PRDM6: variants seen among roughly 807,000 people sequenced by gnomAD.
PRDM6 encodes putative histone-lysine N-methyltransferase PRDM6.
Under a neutral mutation model 60.8 loss-of-function variants are expected in PRDM6, and 25 were observed. The ratio of observed to expected loss-of-function variants is 0.41; its 90% CI spans 0.30 to 0.57. The LOEUF (loss-of-function observed/expected upper bound fraction) is 0.57, where lower values mean the gene tolerates loss of function less well. Ranked by LOEUF, PRDM6 falls within the 20% of genes least tolerant of loss-of-function variation. PRDM6 has a pLI of 0.27. For missense variants in PRDM6, 839 were observed against 821.3 expected, an observed-to-expected ratio of 1.02 and a Z score of -0.26; for synonymous variants, 407 against 357.4, an observed-to-expected ratio of 1.14 and a Z score of -1.57.
At position 123,090,176 on chromosome 5, in the gene PRDM6, G is replaced by GCCGCCGCCGCCC. The variant is rs1763784543; in HGVS notation, c.167_168insGCCGCCCCCGCC (p.Pro56_Pro59dup). 4.7e-6 allele frequency: 7 copies of GCCGCCGCCGCCC among 1,487,604 alleles called. No homozygotes were observed. The highest frequency in any genetic ancestry group is 6.2e-6 in the Non-Finnish European group (7 of 1,122,638). The allele number at this position is 1,487,604 out of a possible 1,614,324, so 92.2% of individuals were successfully genotyped here. A position where few individuals can be genotyped will look rare whatever the true frequency, so the allele number is the denominator to read the frequency against. On this transcript the variant is annotated inframe_insertion, in exon 2 of 8. Transcript: ENST00000407847. ...CGCCGCAGCCTCTTCAGCCGCCGCC[G>GCCGCCGCCGCCC]CCGCCCCCGCCCCCGGAGCGCGCTG...
intron 3 of PRDM6, among the ~76,000 whole-genome samples, chr5:123,129,667 C>T (rs1031182282): frequency 6.6e-6 from 1 of 152,148 alleles, no homozygotes; most frequent in Non-Finnish European, 1.5e-5. Context: ...TAGGTCTATC[C>T]TAAATTCACT....
chr5:123,106,397 G>A lies in PRDM6; in HGVS notation c.900+6436G>A, dbSNP rs1410313100. ...ATGCACAATCCGGGAGTTCAGTGTG[G>A]CCGGGCCTCCTGACTCTGAGGCTTG... On this transcript the variant is annotated intron_variant, in intron 3 of 7. Coordinates refer to ENST00000407847, the MANE Select transcript of PRDM6 (RefSeq NM_001136239.4). 2.0e-5 allele frequency among the ~76,000 whole-genome samples: 3 copies of A among 152,172 alleles called. No individual in the cohort carries two copies. The East Asian group carries it at 5.8e-4, about 29-fold the overall frequency.
intron 7 of PRDM6, 150 bp from the exon 8 acceptor site, chr5:123,186,937 G>A (rs1766301311): frequency 1.7e-6 from 1 of 600,488 alleles, no homozygotes. Flanking sequence ...AGGCATCCAG[G>A]CCTTGGAAGG....
At chr5:123,186,127 C>T (rs779356569) in intron 7 of PRDM6, among the ~76,000 whole-genome samples, 12 of 152,196 alleles carry the variant, frequency 7.9e-5, no homozygotes, top group South Asian at 2.1e-4. Flanking sequence ...ATGGAGAAGT[C>T]GCTGTCTGTG....
Position 123,090,449 on chromosome 5 carries a change from C to CG in PRDM6, c.438dup (p.Pro147AlafsTer157). 1 of 1,463,478 alleles carries CG rather than the reference C, an allele frequency of 6.8e-7. No homozygotes were observed. The highest frequency in any genetic ancestry group is 9.0e-7 in the Non-Finnish European group (1 of 1,116,864). 90.7% of individuals were successfully genotyped at this position (1,463,478 alleles called of 1,614,324 possible). A position where few individuals can be genotyped will look rare whatever the true frequency, so the allele number is the denominator to read the frequency against. On this transcript the variant is annotated frameshift_variant, in exon 2 of 8. Transcript: ENST00000407847. LOFTEE classifies it high-confidence loss of function. ...TGTGCCTCGGCGCCACCTCCGGCCC[C>CG]GGGCCCGTCAAGTGCGGTGGTGGTG...
intron 3 of PRDM6, among the ~76,000 whole-genome samples, chr5:123,145,240 A>G (rs1054757624): frequency 1.3e-5 from 2 of 152,152 alleles, no homozygotes; most frequent in Admixed American, 6.5e-5. Context: ...ACAAATATCC[A>G]AAGGTTGGAT....
At chr5:123,183,203 C>T (rs927095081) in intron 7 of PRDM6, among the ~76,000 whole-genome samples, 1 of 152,144 alleles carries the variant, frequency 6.6e-6, no homozygotes, top group South Asian at 2.1e-4. Context: ...TGTAAAGGCA[C>T]ATAACCCTCA....
chr5:123,160,780 C>T (rs911073991), intron 5 of PRDM6, among the ~76,000 whole-genome samples: 1 of 152,224 alleles, frequency 6.6e-6, no homozygotes, highest in African/African-American at 2.4e-5. Flanking sequence ...TAAATCTTTG[C>T]ACATACAGTA....
chr5:123,100,042 C>G, intron 3 of PRDM6, 81 bp downstream of exon 3: 2 of 1,387,986 alleles, frequency 1.4e-6, no homozygotes, highest in South Asian at 3.2e-5. Flanking sequence ...GGGAGCCTGG[C>G]CTTTGGCTGT....
intron 3 of PRDM6, among the ~76,000 whole-genome samples, chr5:123,124,002 T>G (rs1384732701): frequency 6.6e-6 from 1 of 152,114 alleles, no homozygotes; most frequent in African/African-American, 2.4e-5. Context: ...CGATACTCAT[T>G]AGAGTGACAT....
chr5:123,153,582 T>C (rs1765422394), intron 3 of PRDM6, among the ~76,000 whole-genome samples: 1 of 152,190 alleles, frequency 6.6e-6, no homozygotes, highest in Admixed American at 6.5e-5. Context: ...ATGTGCTACA[T>C]TGTGTGATAT....
Position 123,193,148 on chromosome 5 carries a change from T to G in PRDM6, c.*5947T>G, listed in dbSNP as rs1377895640. On this transcript the variant is annotated 3_prime_UTR_variant, in exon 8 of 8. Transcript: ENST00000407847. ...GATTCTAATGGGCACATTTGTTTGT[T>G]GAAATGATAAATATATTTTCCTTGT... The G allele has an allele frequency of 6.6e-6, 1 of 152,218 alleles. No homozygotes were observed. The highest frequency in any genetic ancestry group is 2.4e-5 in the African/African-American group (1 of 41,470). 9.4% of individuals were successfully genotyped at this position (152,218 alleles called of 1,614,324 possible).
chr5:123,161,534 A>C (rs1765631053), intron 5 of PRDM6, among the ~76,000 whole-genome samples: 1 of 152,196 alleles, frequency 6.6e-6, no homozygotes, highest in South Asian at 2.1e-4. Flanking sequence ...GCAAAGACTT[A>C]AGATGGTGAA....
chr5:123,167,472 C>A (rs1424046738), intron 5 of PRDM6, among the ~76,000 whole-genome samples: 2 of 152,122 alleles, frequency 1.3e-5, no homozygotes, highest in Admixed American at 1.3e-4. Context: ...TCACCGCAAC[C>A]TCTGCCTCCC....
chr5:123,110,169 G>A (rs1253094341), intron 3 of PRDM6, among the ~76,000 whole-genome samples: 1 of 151,156 alleles, frequency 6.6e-6, no homozygotes, highest in Non-Finnish European at 1.5e-5. Flanking sequence ...AGAAATTTTA[G>A]ATGAAAAAAT....
In PRDM6 at chr5:123,193,131, TG is replaced by T. The variant is rs1198034202; in HGVS notation, c.*5933del. 1 of 152,232 alleles carries T rather than the reference TG, an allele frequency of 6.6e-6. No homozygotes were observed. The highest frequency in any genetic ancestry group is 1.9e-4 in the East Asian group (1 of 5,206). The allele number at this position is 152,232 out of a possible 1,614,324, so 9.4% of individuals were successfully genotyped here. A position where few individuals can be genotyped will look rare whatever the true frequency, so the allele number is the denominator to read the frequency against. On this transcript the variant is annotated 3_prime_UTR_variant, in exon 8 of 8. Coordinates refer to ENST00000407847, the MANE Select transcript of PRDM6 (RefSeq NM_001136239.4). ...ACTTTCCTCCAGATTCTGATTCTAA[TG>T]GGCACATTTGTTTGTTGAAATGATA...
Position 123,090,253 on chromosome 5 carries a change from C to T in PRDM6, c.239C>T (p.Ser80Leu), listed in dbSNP as rs572367200. 4.8e-5 allele frequency: 72 copies of T among 1,486,846 alleles called. 1 individual carries two copies. Among genetic ancestry groups the T allele is most frequent in the East Asian group, 5.9e-5 (2 of 33,688 alleles). The allele number at this position is 1,486,846 out of a possible 1,614,324, so 92.1% of individuals were successfully genotyped here. The change falls in exon 2 of 8, where the codon TCG becomes TTG. Residue 80 changes from serine to leucine, a missense_variant. Around this residue, in one of 2 missense-constraint regions of PRDM6, gnomAD observed 730 missense variants for 648.8 expected, o/e 1.13. Transcript: ENST00000407847. ...CGGCCCGCCTCTCTCTCCTCCGCCT[C>T]GTCCACGCCGGCTTCCTCTTCCACC... ...RPRPASLSSASSTPASSSTSA... is the reference protein window; with the variant it reads ...RPRPASLSSALSTPASSSTSA...
At chr5:123,134,283 T>G (rs1349222406) in intron 3 of PRDM6, among the ~76,000 whole-genome samples, 1 of 152,146 alleles carries the variant, frequency 6.6e-6, no homozygotes, top group African/African-American at 2.4e-5. Context: ...TTATTAGAGA[T>G]GTTAGCTCAA....
chr5:123,100,204 C>T (rs1350588131), intron 3 of PRDM6, among the ~76,000 whole-genome samples: 1 of 152,244 alleles, frequency 6.6e-6, no homozygotes, highest in Non-Finnish European at 1.5e-5. Flanking sequence ...GGGAAACAGC[C>T]TACAGGTGTC....
Sources: gnomAD v4.1 joint callset for allele counts (sites outside exome capture counted in the v4.1 genomes callset) on GRCh38, gnomAD v4.1.1 for gene constraint, gnomAD v4.1.1 regional missense constraint, MANE v1.5 for transcripts, NCBI Gene and HGNC (gene_info 2026-07-23, HGNC 2026-07-21) for gene names.